Variants in ARFGEF3 observed in about 807,000 individuals in gnomAD.
ARFGEF3 encodes the protein brefeldin A-inhibited guanine nucleotide-exchange protein 3.
ARFGEF3 carries 96 observed loss-of-function variants against 221.7 expected under a neutral mutation model. That is an observed-to-expected ratio of 0.43 (90% CI 0.37 to 0.51). The LOEUF is 0.51. ARFGEF3 is among the 20% of genes least tolerant of loss of function. ARFGEF3 has a pLI of 0.00. For missense variants in ARFGEF3, 2,410 were observed against 2,789.9 expected (o/e 0.86, Z 3.07); for synonymous variants, 1,145 against 1,126.8 (o/e 1.02, Z -0.32).
At chr6:138,198,573 TAAC>T (rs1285004303) in intron 2 of ARFGEF3, among the ~76,000 whole-genome samples, 1 of 152,178 alleles carries the variant, frequency 6.6e-6, no homozygotes, top group Non-Finnish European at 1.5e-5. Context: ...ACATGAATAA[TAAC>T]AACTTGAGTG....
intron 5 of ARFGEF3, among the ~76,000 whole-genome samples, chr6:138,234,396 A>G (rs1409386778): frequency 1.3e-5 from 2 of 152,338 alleles, no homozygotes; most frequent in African/African-American, 4.8e-5. Context: ...AAGGAAAACT[A>G]GCAAACTTCC....
chr6:138,204,688 C>A (rs986162751), intron 2 of ARFGEF3, among the ~76,000 whole-genome samples: 1 of 152,208 alleles, frequency 6.6e-6, no homozygotes, highest in African/African-American at 2.4e-5. Context: ...TATACTCCAA[C>A]TCTGCAGGAT....
rs932154297 is a variant in ARFGEF3, at chr6:138,322,937, G to A, written c.4767-734G>A. Among the ~76,000 whole-genome samples, 31 of 151,856 alleles carry A rather than the reference G, an allele frequency of 2.0e-4. 1 individual carries two copies. The highest frequency in any genetic ancestry group is 8.3e-4 in the South Asian group (4 of 4,800). Reference sequence around the variant, plus strand: ...ATGGTGACAGTGAAGCAAGGACCTCGTTGTAGCAGTGACACTGGTCACATC... The same window carrying A: ...ATGGTGACAGTGAAGCAAGGACCTCATTGTAGCAGTGACACTGGTCACATC... On this transcript the variant is annotated intron_variant, in intron 29 of 33. Coordinates refer to ENST00000251691, the MANE Select transcript of ARFGEF3 (RefSeq NM_020340.5).
intron 2 of ARFGEF3, among the ~76,000 whole-genome samples, chr6:138,197,509 A>C (rs575293510): frequency 9.2e-5 from 14 of 152,346 alleles, no homozygotes; most frequent in African/African-American, 3.4e-4. Context: ...GCTTTTATAC[A>C]ACTGGCGGCA....
intron 5 of ARFGEF3, among the ~76,000 whole-genome samples, chr6:138,231,917 A>G (rs77934577): frequency 0.012 from 1,756 of 152,358 alleles, 33 homozygotes; most frequent in African/African-American, 0.039. Context: ...GCTTAATTAA[A>G]CTGCAATAAT....
intron 2 of ARFGEF3, among the ~76,000 whole-genome samples, chr6:138,179,460 CT>C (rs138552195): frequency 0.041 from 6,164 of 150,270 alleles, 138 homozygotes; most frequent in Middle Eastern, 0.092. Context: ...ATTCTAACAG[CT>C]TTTTTTTTTC....
chr6:138,278,526 A>T lies in ARFGEF3; in HGVS notation c.2204A>T (p.Tyr735Phe). 1 of 1,613,928 alleles carries T rather than the reference A, an allele frequency of 6.2e-7. No individual in the cohort carries two copies. Among genetic ancestry groups the T allele is most frequent in the Non-Finnish European group, 8.5e-7 (1 of 1,179,854 alleles). Residue 735 changes from tyrosine to phenylalanine, a missense_variant, in exon 13 of 34, where the codon TAC becomes TTC. Around this residue, in one of 5 missense-constraint regions of ARFGEF3, gnomAD observed 594 missense variants for 734.3 expected, o/e 0.81. Transcript: ENST00000251691. ...FQMLMNADSLYTAAHCALLLN... is the reference protein window; with the variant it reads ...FQMLMNADSLFTAAHCALLLN... ...ATGCTGATGAACGCAGACAGCCTCT[A>T]CACAGCTGCACACTGCGCCCTGCTC...
At chr6:138,264,903 C>CTTTT (rs777385641) in intron 12 of ARFGEF3, among the ~76,000 whole-genome samples, 1 of 137,378 alleles carries the variant, frequency 7.3e-6, no homozygotes, top group African/African-American at 2.7e-5. Context: ...TTTTTTTTTC[C>CTTTT]TTTTTTTTTT....
intron 8 of ARFGEF3, 99 bp downstream of exon 8, chr6:138,245,690 T>C: frequency 1.1e-6 from 1 of 886,910 alleles, no homozygotes; most frequent in Non-Finnish European, 1.8e-6. Context: ...TGTAAGATTA[T>C]AGGGACAATA....
chr6:138,242,846 G>A, intron 6 of ARFGEF3, 106 bp from the exon 7 acceptor site: 2 of 907,298 alleles, frequency 2.2e-6, no homozygotes, highest in South Asian at 2.9e-5. Context: ...GCCGAGCCCA[G>A]GGCACCCCGG....
rs578209454 is a variant in ARFGEF3, at chr6:138,205,092, C to CAGAGTAATATAGATAGGCGAA, written c.138-1949_138-1929dup. Among the ~76,000 whole-genome samples, 35 of 152,322 alleles carry CAGAGTAATATAGATAGGCGAA rather than the reference C, an allele frequency of 2.3e-4. 1 individual carries two copies. The East Asian group carries it at 4.8e-3, about 21-fold the overall frequency. On this transcript the variant is annotated intron_variant, in intron 2 of 33. Transcript: ENST00000251691. ...GCAGATGGCAGTAATCCACAGATGG[C>CAGAGTAATATAGATAGGCGAA]AGAGTAATATAGATAGGCGAACATA...
chr6:138,319,669 A>T (rs771750619), intron 27 of ARFGEF3, 34 bp from the exon 28 acceptor site: 1 of 1,520,122 alleles, frequency 6.6e-7, no homozygotes, highest in Non-Finnish European at 8.9e-7. Flanking sequence ...CCCTTTTATT[A>T]CAGGTTGTTG....
At position 138,224,752 on chromosome 6, in the gene ARFGEF3, G is replaced by A. The variant is rs59845138; in HGVS notation, c.352-5032G>A. ...GAAATCCAATGGTGTGTGTGTGTGCGTGTATGTGTGTAAGTATACAGATTT... is the reference window on the plus strand; with the variant it reads ...GAAATCCAATGGTGTGTGTGTGTGCATGTATGTGTGTAAGTATACAGATTT... On this transcript the variant is annotated intron_variant, in intron 4 of 33. Coordinates refer to ENST00000251691, the MANE Select transcript of ARFGEF3 (RefSeq NM_020340.5). Among the ~76,000 whole-genome samples the A allele has an allele frequency of 7.5e-3, 1,145 of 152,314 alleles. 9 individuals are homozygous for A. The highest frequency in any genetic ancestry group is 0.025 in the African/African-American group (1,041 of 41,556).
intron 2 of ARFGEF3, among the ~76,000 whole-genome samples, chr6:138,173,160 G>GA (rs1395442287): frequency 6.6e-6 from 1 of 151,242 alleles, no homozygotes; most frequent in East Asian, 1.9e-4. Context: ...CTTTTTTTTT[G>GA]ATGGATGAAG....
intron 4 of ARFGEF3, among the ~76,000 whole-genome samples, chr6:138,225,558 A>C (rs1463904933): frequency 6.6e-6 from 1 of 152,238 alleles, no homozygotes. Context: ...TTTCTCCAAT[A>C]GACGGTGCGA....
At chr6:138,327,341 C>T (rs1342751213) in intron 31 of ARFGEF3, among the ~76,000 whole-genome samples, 2 of 151,230 alleles carry the variant, frequency 1.3e-5, no homozygotes, top group African/African-American at 2.5e-5. Flanking sequence ...CTCAGCTACT[C>T]GAGGGTTTAA....
At chr6:138,213,287 CAAAA>C (rs36044450) in intron 4 of ARFGEF3, among the ~76,000 whole-genome samples, 1 of 90,402 alleles carries the variant, frequency 1.1e-5, no homozygotes, top group African/African-American at 3.6e-5. Flanking sequence ...GACTCCATCT[CAAAA>C]AAAAAAAAAA....
intron 2 of ARFGEF3, among the ~76,000 whole-genome samples, chr6:138,198,909 C>T (rs553374420): frequency 3.9e-5 from 6 of 152,224 alleles, no homozygotes; most frequent in East Asian, 3.9e-4. Context: ...TCCGTGTAGA[C>T]GTTATGGCGT....
rs1384998444 is a variant in ARFGEF3, at chr6:138,336,576, C to A, written c.*90C>A. ...TGTTGCATTTTCCCCACCACTAGCC[C>A]CACTTAAACTACTACTACTGTCTCA... On this transcript the variant is annotated 3_prime_UTR_variant, in exon 34 of 34. Transcript: ENST00000251691. 2 of 1,036,420 alleles carry A rather than the reference C, an allele frequency of 1.9e-6. No individual in the cohort carries two copies. The highest frequency in any genetic ancestry group is 2.8e-6 in the Non-Finnish European group (2 of 716,356). The allele number at this position is 1,036,420 out of a possible 1,614,324, so 64.2% of individuals were successfully genotyped here.
Sources: allele counts gnomAD v4.1 joint callset (sites outside exome capture counted in the v4.1 genomes callset), GRCh38; gene constraint gnomAD v4.1.1; regional missense constraint gnomAD v4.1.1; transcripts MANE v1.5; gene names NCBI Gene and HGNC (gene_info 2026-07-23, HGNC 2026-07-21).